The following HTATSF1 variants were observed in gnomAD, a reference collection of about 807,000 sequenced individuals.
HTATSF1 encodes the protein 17S U2 SnRNP complex component HTATSF1.
HTATSF1 carries 6 observed loss-of-function variants against 46.1 expected under a neutral mutation model. The ratio of observed to expected loss-of-function variants is 0.13; its 90% confidence interval spans 0.07 to 0.26. The LOEUF (loss-of-function observed/expected upper bound fraction) is 0.26, where lower values mean the gene tolerates loss of function less well. Ranked by LOEUF, HTATSF1 falls within the 10% of genes least tolerant of loss-of-function variation. The pLI is 1.00. For missense variants in HTATSF1, 452 were observed against 559.9 expected, an observed-to-expected ratio of 0.81 and a Z score of 1.94; for synonymous variants, 226 against 211.5, an observed-to-expected ratio of 1.07 and a Z score of -0.60.
intron 3 of HTATSF1, 105 bp downstream of exon 3, chrX:136,500,310 C>A: frequency 1.8e-6 from 1 of 563,831 alleles, no homozygotes; most frequent in Non-Finnish European, 3.0e-6. Flanking sequence ...CATTTTTTAT[C>A]ATTGTGTCAT....
In HTATSF1 at chrX:136,510,848, G is replaced by T. The variant is rs2075763837; in HGVS notation, c.1103G>T (p.Gly368Val). Residue 368 changes from glycine to valine, a missense_variant, in exon 9 of 9, where the codon GGA (glycine) becomes GTA (valine). Physicochemically the swap from Gly to Val is moderately radical, Grantham distance 109. Coordinates refer to ENST00000218364, the MANE Select transcript of HTATSF1 (RefSeq NM_014500.5). Reference sequence around the variant, plus strand: ...AGAGAAAGGGAGGAAAGGCTGAGAGGATGGGAGGCTTTCCTCAATGCTCCT... The same window carrying T: ...AGAGAAAGGGAGGAAAGGCTGAGAGTATGGGAGGCTTTCCTCAATGCTCCT... ...TSREREERLR[G>V]WEAFLNAPEA... 4 of 1,207,175 alleles carry T rather than the reference G, an allele frequency of 3.3e-6. No homozygotes were observed. Among genetic ancestry groups the T allele is most frequent in the Non-Finnish European group, 4.5e-6 (4 of 893,223 alleles).
intron 4 of HTATSF1, among the ~76,000 whole-genome samples, chrX:136,501,652 C>G (rs143866468): frequency 5.4e-4 from 60 of 112,088 alleles, no homozygotes; most frequent in African/African-American, 1.7e-3. Flanking sequence ...AGAGTAAAGT[C>G]AAAATGGTAA....
intron 6 of HTATSF1, among the ~76,000 whole-genome samples, chrX:136,506,519 T>C (rs1041511871): frequency 8.9e-6 from 1 of 112,263 alleles, no homozygotes; most frequent in African/African-American, 3.2e-5. Context: ...ATTTATGTGA[T>C]GAAGAATTGA....
Position 136,497,850 on chromosome X carries a change from A to G in HTATSF1, c.166A>G (p.Lys56Glu), listed in dbSNP as rs1327019669. ...CACTCCCTACGAGTGGGACCTGGACAAAAAGGCTTGGTTCCCCAAGGTAGG... is the reference window on the plus strand; with the variant it reads ...CACTCCCTACGAGTGGGACCTGGACGAAAAGGCTTGGTTCCCCAAGGTAGG... Reference protein sequence around the residue: ...TDTPYEWDLDKKAWFPKITED... With the variant: ...TDTPYEWDLDEKAWFPKITED... Residue 56 changes from lysine to glutamate, a missense_variant, in exon 1 of 9, where the codon AAA becomes GAA. Lys to Glu is a moderately conservative substitution (Grantham distance 56). This residue lies in a region of HTATSF1 where 89 missense variants were observed against 92.3 expected (regional missense o/e 0.96). Transcript: ENST00000218364. 1 of 1,172,300 alleles carries G rather than the reference A, an allele frequency of 8.5e-7. No individual in the cohort carries two copies. The highest frequency in any genetic ancestry group is 1.2e-6 in the Non-Finnish European group (1 of 869,401).
At chrX:136,510,351 T>C (rs1349644064) in intron 8 of HTATSF1, 132 bp downstream of exon 8, 2 of 420,071 alleles carry the variant, frequency 4.8e-6, no homozygotes, top group African/African-American at 2.6e-5. Context: ...TATTTACTTA[T>C]ATATTTTAAT....
At chrX:136,504,950 T>A (rs749620079) in intron 6 of HTATSF1, among the ~76,000 whole-genome samples, 8 of 112,321 alleles carry the variant, frequency 7.1e-5, no homozygotes, top group African/African-American at 2.6e-4. Flanking sequence ...TCAACTTTTT[T>A]AAGTGATTTT....
At chrX:136,503,065 A>G (rs1406219506) in intron 5 of HTATSF1, 124 bp downstream of exon 5, 1 of 384,560 alleles carries the variant, frequency 2.6e-6, no homozygotes. Flanking sequence ...TCATTAGCTC[A>G]TCAGGTACCT....
intron 4 of HTATSF1, among the ~76,000 whole-genome samples, 161 bp downstream of exon 4, chrX:136,500,979 A>T (rs1245304689): frequency 8.9e-6 from 1 of 112,644 alleles, no homozygotes; most frequent in Non-Finnish European, 1.9e-5. Context: ...CATTGGTAAG[A>T]TTATTCACTT....
intron 7 of HTATSF1, 44 bp downstream of exon 7, chrX:136,509,224 C>T (rs2075756565): frequency 1.1e-6 from 1 of 925,237 alleles, no homozygotes; most frequent in South Asian, 2.0e-5. Context: ...GCAATAATTC[C>T]TCCACCTTAT....
intron 3 of HTATSF1, 45 bp from the exon 4 acceptor site, chrX:136,500,618 CT>C: frequency 1.2e-6 from 1 of 862,617 alleles, no homozygotes; most frequent in Non-Finnish European, 1.6e-6. Flanking sequence ...AGTAATTCAC[CT>C]TCATTATCAA....
chrX:136,503,892 C>G (rs1369694294), intron 5 of HTATSF1, among the ~76,000 whole-genome samples: 4 of 110,899 alleles, frequency 3.6e-5, no homozygotes, highest in Non-Finnish European at 7.5e-5. Flanking sequence ...TTATTTGAGG[C>G]AAGAGTCTCA....
intron 4 of HTATSF1, among the ~76,000 whole-genome samples, chrX:136,501,334 A>T (rs747130695): frequency 3.6e-5 from 4 of 112,433 alleles, no homozygotes; most frequent in Non-Finnish European, 7.5e-5. Context: ...CAAAGCCTAA[A>T]ATATTTACGA....
intron 1 of HTATSF1, among the ~76,000 whole-genome samples, chrX:136,498,455 T>C (rs936608437): frequency 2.7e-5 from 3 of 112,450 alleles, no homozygotes; most frequent in Non-Finnish European, 3.8e-5. Context: ...TGGAAATTGC[T>C]AAGTATTTTT....
Position 136,510,191 on chromosome X carries a change from A to G in HTATSF1, c.1034A>G (p.Gln345Arg), listed in dbSNP as rs369401333. 3 of 1,209,540 alleles carry G rather than the reference A, an allele frequency of 2.5e-6. No individual in the cohort carries two copies. Among genetic ancestry groups the G allele is most frequent in the Non-Finnish European group, 3.4e-6 (3 of 894,728 alleles). Residue 345 changes from glutamine to arginine, a missense_variant, in exon 8 of 9, where the codon CAG (glutamine) becomes CGG (arginine). Gln to Arg is a conservative substitution (Grantham distance 43). Transcript: ENST00000218364. Reference protein sequence around the residue: ...RWFGGRQITAQAWDGTTDYQV... With the variant: ...RWFGGRQITARAWDGTTDYQV... ...TTTGGTGGCCGTCAAATCACTGCCC[A>G]GGCATGGGATGGGACTACAGATTAT...
At chrX:136,497,474 C>A, upstream of HTATSF1, 1 of 155,074 alleles carries the variant, frequency 6.4e-6, no homozygotes, top group Non-Finnish European at 1.2e-5. Context: ...ACAGCATCAG[C>A]GCGCGCGCGC....
intron 6 of HTATSF1, among the ~76,000 whole-genome samples, chrX:136,505,481 C>T (rs1325920419): frequency 1.8e-5 from 2 of 112,126 alleles, no homozygotes; most frequent in African/African-American, 6.5e-5. Context: ...GATATCTCTT[C>T]TGACTAGAAA....
chrX:136,504,074 T>C (rs1035739910), intron 5 of HTATSF1, among the ~76,000 whole-genome samples: 2 of 111,065 alleles, frequency 1.8e-5, no homozygotes, highest in Non-Finnish European at 3.8e-5. Context: ...TTTCACCATG[T>C]TGGCCAGGCT....
intron 2 of HTATSF1, 70 bp from the exon 3 acceptor site, chrX:136,500,088 A>G: frequency 2.7e-6 from 2 of 728,307 alleles, no homozygotes; most frequent in Middle Eastern, 3.3e-4. Context: ...CTGCTTTGTC[A>G]AGATTCCATA....
Position 136,507,089 on chromosome X carries a change from G to A in HTATSF1, c.835-2002G>A, listed in dbSNP as rs777573816. On this transcript the variant is annotated intron_variant, in intron 6 of 8. Coordinates refer to ENST00000218364, the MANE Select transcript of HTATSF1 (RefSeq NM_014500.5). Reference sequence around the variant, plus strand: ...ACAGGAAAACCTGCTTTTATTGCATGTTTTGGGGGAGTGTTTGATTTGACT... The same window carrying A: ...ACAGGAAAACCTGCTTTTATTGCATATTTTGGGGGAGTGTTTGATTTGACT... Among the ~76,000 whole-genome samples, 3 of 111,745 alleles carry A rather than the reference G, an allele frequency of 2.7e-5. No individual in the cohort carries two copies. In the East Asian group the frequency reaches 8.5e-4, roughly 32 times the overall value.
Sources: gnomAD v4.1 joint callset for allele counts (sites outside exome capture counted in the v4.1 genomes callset) on GRCh38, gnomAD v4.1.1 for gene constraint, gnomAD v4.1.1 regional missense constraint, MANE v1.5 for transcripts, NCBI Gene and HGNC (gene_info 2026-07-23, HGNC 2026-07-21) for gene names.